The following LRMDA variants were observed in gnomAD, a reference collection of about 807,000 sequenced individuals.
The protein encoded by LRMDA is leucine rich melanocyte differentiation associated.
Under a neutral mutation model 29.8 loss-of-function variants are expected in LRMDA, and 18 were observed. The observed-to-expected ratio is 0.60, with a 90% CI of 0.42 to 0.90. LRMDA has a LOEUF of 0.90. LRMDA is among the 40% of genes least tolerant of loss of function. LRMDA has a pLI of 0.00. For missense variants in LRMDA, 273 were observed against 273.9 expected, an observed-to-expected ratio of 1.00 and a Z score of 0.02; for synonymous variants, 125 against 109.4, an observed-to-expected ratio of 1.14 and a Z score of -0.89.
At chr10:75,889,944 G>A (rs937206895) in intron 2 of LRMDA, among the ~76,000 whole-genome samples, 10 of 152,242 alleles carry the variant, frequency 6.6e-5, no homozygotes, top group African/African-American at 2.4e-4. Context: ...GACCTGAAGG[G>A]TAGGTGGATT....
chr10:76,503,683 T>C (rs1243752199), intron 6 of LRMDA, among the ~76,000 whole-genome samples: 3 of 151,832 alleles, frequency 2.0e-5, no homozygotes, highest in Admixed American at 2.0e-4. Context: ...GTCATCTTTG[T>C]CACTTCTGAT....
In LRMDA at chr10:75,862,866, AG is replaced by A. The variant is rs1212934452; in HGVS notation, c.132-173139del. On this transcript the variant is annotated intron_variant, in intron 2 of 6. Coordinates refer to ENST00000611255, the MANE Select transcript of LRMDA (RefSeq NM_001305581.2). ...ATTAGCATGGTGTCTACAGCCTTAG[AG>A]GGCAGTCCATTTCTTACCATGAAAC... 2.6e-5 allele frequency among the ~76,000 whole-genome samples: 4 copies of A among 152,274 alleles called. No homozygotes were observed. The East Asian group carries it at 7.7e-4, about 29-fold the overall frequency.
intron 5 of LRMDA, among the ~76,000 whole-genome samples, chr10:76,245,440 G>C (rs1204646670): frequency 1.3e-5 from 2 of 152,088 alleles, no homozygotes; most frequent in South Asian, 2.1e-4. Context: ...GTTATGTTGA[G>C]GTCAGCTTCC....
At chr10:76,181,070 T>G (rs977327061) in intron 5 of LRMDA, among the ~76,000 whole-genome samples, 1 of 152,160 alleles carries the variant, frequency 6.6e-6, no homozygotes, top group African/African-American at 2.4e-5. Context: ...TCCCTCTCTT[T>G]TACTGTCATG....
At chr10:76,103,311 A>G (rs762135639) in intron 5 of LRMDA, among the ~76,000 whole-genome samples, 2 of 152,222 alleles carry the variant, frequency 1.3e-5, no homozygotes, top group Admixed American at 1.3e-4. Context: ...GTTTTTAACA[A>G]TAAGAGCCCT....
In LRMDA at chr10:76,303,380, C is replaced by T. The variant is rs113858907; in HGVS notation, c.517-21021C>T. ...AAAATAAAGCATAAGTACCAGCTGGCGTGGTTCTGTGAAGCTGGAGGTTTT... is the reference window on the plus strand; with the variant it reads ...AAAATAAAGCATAAGTACCAGCTGGTGTGGTTCTGTGAAGCTGGAGGTTTT... On this transcript the variant is annotated intron_variant, in intron 5 of 6. Transcript: ENST00000611255. Among the ~76,000 whole-genome samples the T allele has an allele frequency of 3.0e-3, 461 of 152,128 alleles. 3 individuals are homozygous for T. The highest frequency in any genetic ancestry group is 0.011 in the African/African-American group (437 of 41,494).
chr10:76,040,107 A>G (rs1279394596), intron 3 of LRMDA, among the ~76,000 whole-genome samples: 2 of 152,196 alleles, frequency 1.3e-5, no homozygotes, highest in Non-Finnish European at 1.5e-5. Context: ...AGTGGGGCTT[A>G]GTCTAGAACC....
At chr10:75,432,678 C>G (rs112973640) in intron 1 of LRMDA, among the ~76,000 whole-genome samples, 2,500 of 152,294 alleles carry the variant, frequency 0.016, 22 homozygotes, top group African/African-American at 0.031. Context: ...GTGTCAGGCA[C>G]AATTGGATTT....
At chr10:75,580,605 A>T (rs919853465) in intron 2 of LRMDA, among the ~76,000 whole-genome samples, 8 of 152,218 alleles carry the variant, frequency 5.3e-5, no homozygotes, top group Non-Finnish European at 1.0e-4. Context: ...GAGCCCGCAT[A>T]GCCAAGACAA....
At chr10:76,156,692 A>G (rs944212389) in intron 5 of LRMDA, among the ~76,000 whole-genome samples, 1 of 152,204 alleles carries the variant, frequency 6.6e-6, no homozygotes, top group Admixed American at 6.5e-5. Flanking sequence ...TTATGATAGC[A>G]TTGACATGTC....
Position 76,352,711 on chromosome 10 carries a change from G to T in LRMDA, c.601+28226G>T, listed in dbSNP as rs79301151. On this transcript the variant is annotated intron_variant, in intron 6 of 6. Transcript: ENST00000611255. ...CTGTATACATATTGTTGCTGCTGCT[G>T]TTTCTATTATTATTATTATCAATAG... 2.0e-4 allele frequency among the ~76,000 whole-genome samples: 31 copies of T among 152,188 alleles called. No individual in the cohort carries two copies. The East Asian group carries it at 5.6e-3, about 28-fold the overall frequency.
At chr10:76,011,189 T>A (rs1222314478) in intron 2 of LRMDA, among the ~76,000 whole-genome samples, 1 of 152,154 alleles carries the variant, frequency 6.6e-6, no homozygotes, top group Non-Finnish European at 1.5e-5. Flanking sequence ...TGTGGGAGCG[T>A]CATCAAAGCT....
chr10:76,424,249 C>T (rs187489766), intron 6 of LRMDA, among the ~76,000 whole-genome samples: 2 of 152,282 alleles, frequency 1.3e-5, no homozygotes, highest in Non-Finnish European at 1.5e-5. Context: ...GGGATTTTCC[C>T]TTTACAGTTG....
intron 5 of LRMDA, among the ~76,000 whole-genome samples, chr10:76,174,314 A>T (rs896657507): frequency 2.0e-5 from 3 of 152,132 alleles, no homozygotes; most frequent in East Asian, 1.9e-4. Flanking sequence ...TAATTAAAAA[A>T]TTTTTAAAAA....
At chr10:75,776,767 CTGAAAGGTAAACAGT>C (rs1843317638) in intron 2 of LRMDA, among the ~76,000 whole-genome samples, 1 of 152,236 alleles carries the variant, frequency 6.6e-6, no homozygotes, top group Non-Finnish European at 1.5e-5. Flanking sequence ...ACAGAAATGT[CTGAAAGGTAAACAGT>C]TGGTTTTGGA....
chr10:76,133,217 T>C (rs192670532), intron 5 of LRMDA, among the ~76,000 whole-genome samples: 26 of 152,222 alleles, frequency 1.7e-4, no homozygotes, highest in Admixed American at 2.6e-4. Flanking sequence ...TGCTAAGTGT[T>C]ACTTAATCTC....
At chr10:76,206,236 A>G (rs929830290) in intron 5 of LRMDA, among the ~76,000 whole-genome samples, 5 of 152,190 alleles carry the variant, frequency 3.3e-5, no homozygotes, top group African/African-American at 9.7e-5. Context: ...TTCTCAGAAC[A>G]GGTTGGAACC....
chr10:76,455,094 G>C (rs1021432150), intron 6 of LRMDA, among the ~76,000 whole-genome samples: 5 of 152,136 alleles, frequency 3.3e-5, no homozygotes, highest in African/African-American at 1.2e-4. Flanking sequence ...AAGTCTGCAG[G>C]AGAGAGTAAG....
chr10:76,542,941 C>A (rs150771124), intron 6 of LRMDA, among the ~76,000 whole-genome samples: 1 of 152,316 alleles, frequency 6.6e-6, no homozygotes, highest in East Asian at 1.9e-4. Context: ...TTTCCAGGTT[C>A]CAGACTGTGC....
Sources: allele counts gnomAD v4.1 joint callset (sites outside exome capture counted in the v4.1 genomes callset), GRCh38; gene constraint gnomAD v4.1.1; transcripts MANE v1.5; gene names NCBI Gene and HGNC (gene_info 2026-07-23, HGNC 2026-07-21).